PLCB2: variants seen among roughly 807,000 people sequenced by gnomAD.
The protein encoded by PLCB2 is phospholipase C beta 2, also known as 1-phosphatidylinositol 4,5-bisphosphate phosphodiesterase beta-2.
PLCB2 carries 115 observed loss-of-function variants against 141.7 expected under a neutral mutation model. The observed-to-expected ratio is 0.81, with a 90% confidence interval of 0.70 to 0.95. The LOEUF (loss-of-function observed/expected upper bound fraction) is 0.95, where lower values mean the gene tolerates loss of function less well. Ranked by LOEUF, PLCB2 falls within the 40% of genes least tolerant of loss-of-function variation. PLCB2 has a pLI of 0.00. For missense variants in PLCB2, 1,403 were observed against 1,541.1 expected, an observed-to-expected ratio of 0.91 and a Z score of 1.50; for synonymous variants, 603 against 595.6, an observed-to-expected ratio of 1.01 and a Z score of -0.18.
chr15:40,295,866 G>A (rs1037419087), intron 16 of PLCB2, among the ~76,000 whole-genome samples: 3 of 152,188 alleles, frequency 2.0e-5, no homozygotes, highest in African/African-American at 7.2e-5. Context: ...CTTGTGTCCA[G>A]AGAAGATACA....
chr15:40,305,029 G>C (rs2040722702), intron 1 of PLCB2, among the ~76,000 whole-genome samples: 1 of 152,168 alleles, frequency 6.6e-6, no homozygotes, highest in African/African-American at 2.4e-5. Flanking sequence ...AGGGAAAAGG[G>C]AAAATTTTTG....
intron 7 of PLCB2, chr15:40,301,084 CT>C: frequency 1.3e-5 from 2 of 159,308 alleles, no homozygotes; most frequent in East Asian, 1.9e-4. Context: ...ATTCCTACCT[CT>C]CCCCAACGCC....
At position 40,298,933 on chromosome 15, in the gene PLCB2, C is replaced by A; in HGVS notation, c.715G>T (p.Glu239Ter). 8 of 1,607,854 alleles carry A rather than the reference C, an allele frequency of 5.0e-6. No homozygotes were observed. Among genetic ancestry groups the A allele is most frequent in the Non-Finnish European group, 6.8e-6 (8 of 1,179,826 alleles). The change falls in exon 9 of 32, where the codon GAG (glutamate) becomes TAG (stop). Residue 239 changes from glutamate to a stop codon, truncating the protein, a stop_gained. Transcript: ENST00000260402. LOFTEE classifies it high-confidence loss of function. ...HAKAKPYMTK[E>*]HLTKFINQKQ... is the part of the protein sequence containing the mutation. ...TGGTTGATGAATTTGGTCAGGTGCTCCTTCGTCATGTAGGGTTTGGCCTTA... is the reference window on the plus strand; with the variant it reads ...TGGTTGATGAATTTGGTCAGGTGCTACTTCGTCATGTAGGGTTTGGCCTTA...
chr15:40,304,069 C>A lies in PLCB2; in HGVS notation c.94G>T (p.Val32Phe), dbSNP rs1406386570. The A allele has an allele frequency of 6.3e-7, 1 of 1,595,882 alleles. No individual in the cohort carries two copies. Among genetic ancestry groups the A allele is most frequent in the South Asian group, 1.1e-5 (1 of 87,838 alleles). ...RFIKWDDETTVASPVILRVDP... is the reference protein window; with the variant it reads ...RFIKWDDETTFASPVILRVDP... ...ACACGGAGGATAACTGGAGAGGCAACTGTAGTTTCCTGCAGAGAGAAGGAG... is the reference window on the plus strand; with the variant it reads ...ACACGGAGGATAACTGGAGAGGCAAATGTAGTTTCCTGCAGAGAGAAGGAG... Residue 32 changes from valine to phenylalanine, a missense_variant, in exon 2 of 32, where the codon GTT (valine) becomes TTT (phenylalanine). Physicochemically the swap from Val to Phe is conservative, Grantham distance 50 (BLOSUM62 -1). Transcript: ENST00000260402.
intron 24 of PLCB2, 94 bp downstream of exon 24, chr15:40,291,755 C>T (rs1183375892): frequency 5.0e-6 from 8 of 1,603,466 alleles, no homozygotes; most frequent in Non-Finnish European, 6.0e-6. Flanking sequence ...GCCCCCTGCC[C>T]CGCACTTTCC....
intron 1 of PLCB2, among the ~76,000 whole-genome samples, chr15:40,305,465 A>T (rs2040750772): frequency 6.6e-6 from 1 of 152,154 alleles, no homozygotes; most frequent in Non-Finnish European, 1.5e-5. Flanking sequence ...GAGGCAGAGC[A>T]GGGGGTGCTG....
chr15:40,302,622 G>C lies in PLCB2; in HGVS notation c.232-13C>G, dbSNP rs902466760. On this transcript the variant is annotated splice_polypyrimidine_tract_variant and intron_variant, in intron 3 of 31. Transcript: ENST00000260402. The stretch of plus-strand genomic sequence containing the variant: ...GGAGCTTCTGGCTCTGCAGCACGTG[G>C]TGGTATGGTTAGGATGGAGGTGTGC... 6.2e-7 allele frequency: 1 copy of C among 1,613,828 alleles called. No homozygotes were observed. The highest frequency in any genetic ancestry group is 1.3e-5 in the African/African-American group (1 of 74,946).
chr15:40,291,646 G>GGCT lies in PLCB2; in HGVS notation c.2604_2606dup (p.Ala869dup). 1.2e-6 allele frequency: 2 copies of GGCT among 1,613,136 alleles called. No homozygotes were observed. Among genetic ancestry groups the GGCT allele is most frequent in the Admixed American group, 3.3e-5 (2 of 59,994 alleles). On this transcript the variant is annotated inframe_insertion, in exon 25 of 32. Transcript: ENST00000260402. ...TAGCCTCTTCCCTGGCCCCGGCCCT[G>GGCT]GCTGCTGCAAGAGCCACGGGCTGGG...
intron 30 of PLCB2, 92 bp downstream of exon 30, chr15:40,289,927 AAGAGAG>A (rs58167971): frequency 0.092 from 49,257 of 537,184 alleles, 933 homozygotes; most frequent in East Asian, 0.17. Flanking sequence ...CCTACTTGTG[AAGAGAG>A]AGAGAGAGAG....
At position 40,299,247 on chromosome 15, in the gene PLCB2, T is replaced by C. The variant is rs1476473893; in HGVS notation, c.583-19A>G. 2 of 1,509,290 alleles carry C rather than the reference T, an allele frequency of 1.3e-6. No individual in the cohort carries two copies. Among genetic ancestry groups the C allele is most frequent in the South Asian group, 2.2e-5 (2 of 89,024 alleles). 93.5% of individuals were successfully genotyped at this position (1,509,290 alleles called of 1,614,324 possible). On this transcript the variant is annotated intron_variant, in intron 7 of 31. Coordinates refer to ENST00000260402, the MANE Select transcript of PLCB2 (RefSeq NM_004573.3). ...CGTCATTCTAGGGGCATAGTAACCT[T>C]ATTGCCCCTGCCCTCACCTTCTCAG...
chr15:40,288,637 T>A lies in PLCB2; in HGVS notation c.*78A>T, dbSNP rs1303626177. ...CACAGCCTCAGAAGGCTGGGGCTCC[T>A]TTTTCCTGGGGGAATAGAACCACAT... is the stretch of plus-strand genomic sequence containing the variant. On this transcript the variant is annotated 3_prime_UTR_variant, in exon 32 of 32. Coordinates refer to ENST00000260402, the MANE Select transcript of PLCB2 (RefSeq NM_004573.3). The A allele has an allele frequency of 1.4e-6, 2 of 1,439,850 alleles. No individual in the cohort carries two copies. The highest frequency in any genetic ancestry group is 2.9e-5 in the African/African-American group (2 of 69,992). The allele number at this position is 1,439,850 out of a possible 1,614,324, so 89.2% of individuals were successfully genotyped here. A position where few individuals can be genotyped will look rare whatever the true frequency, so the allele number is the denominator to read the frequency against.
intron 21 of PLCB2, 149 bp downstream of exon 21, chr15:40,292,777 G>A (rs1245684631): frequency 1.8e-6 from 1 of 568,224 alleles, no homozygotes; most frequent in Non-Finnish European, 3.2e-6. Flanking sequence ...GCCTCTCTTA[G>A]GTTCCTGGAG....
Position 40,290,012 on chromosome 15 carries a change from A to C in PLCB2, c.3267+13T>G, listed in dbSNP as rs201895921. ...GTGTGTGTGTGTTTAGGAAGGACACAGCCCTTACACACCTGCTTGATCACC... is the reference window on the plus strand; with the variant it reads ...GTGTGTGTGTGTTTAGGAAGGACACCGCCCTTACACACCTGCTTGATCACC... On this transcript the variant is annotated intron_variant, in intron 30 of 31. Transcript: ENST00000260402. 6.9e-5 allele frequency: 101 copies of C among 1,472,652 alleles called. 1 individual carries two copies. In the African/African-American group the frequency reaches 1.2e-3, roughly 18 times the overall value. 91.2% of individuals were successfully genotyped at this position (1,472,652 alleles called of 1,614,324 possible). A position where few individuals can be genotyped will look rare whatever the true frequency, so the allele number is the denominator to read the frequency against.
chr15:40,304,525 T>C (rs971681463), intron 1 of PLCB2, among the ~76,000 whole-genome samples: 1 of 152,092 alleles, frequency 6.6e-6, no homozygotes, highest in African/African-American at 2.4e-5. Flanking sequence ...CCCATAAAGA[T>C]ACCAAGCCTT....
chr15:40,290,605 C>T lies in PLCB2; in HGVS notation c.3181G>A (p.Val1061Ile). 3 of 1,614,058 alleles carry T rather than the reference C, an allele frequency of 1.9e-6. No homozygotes were observed. The highest frequency in any genetic ancestry group is 2.5e-6 in the Non-Finnish European group (3 of 1,179,952). Residue 1061 changes from valine (V) to isoleucine (I), a missense_variant, in exon 29 of 32, where the codon GTC becomes ATC. Val to Ile is a conservative substitution (Grantham distance 29, BLOSUM62 3). Transcript: ENST00000260402. ...TCCTGGGCCATCTTGTCTGTGGTGA[C>T]TTTGGTCATGCCCTGGATCCGCTCC... ...RLERIQGMTK[V>I]TTDKMAQERL...
In PLCB2 at chr15:40,291,384, C is replaced by A; in HGVS notation, c.2751G>T (p.Ala917=). The change falls in exon 26 of 32, where the codon GCG becomes GCT. Residue 917 remains alanine (A), a synonymous_variant. Coordinates refer to ENST00000260402, the MANE Select transcript of PLCB2 (RefSeq NM_004573.3). ...KELRELERRG[A]RRWEELLQRG... Reference sequence around the variant, plus strand: ...GCTGCAGCAGCTCCTCCCAGCGCCGCGCTCCGCGCCGCTCCAACTCTCGCA... The same window carrying A: ...GCTGCAGCAGCTCCTCCCAGCGCCGAGCTCCGCGCCGCTCCAACTCTCGCA... The A allele has an allele frequency of 6.5e-7, 1 of 1,532,132 alleles. No individual in the cohort carries two copies. Among genetic ancestry groups the A allele is most frequent in the Middle Eastern group, 1.8e-4 (1 of 5,618 alleles). 94.9% of individuals were successfully genotyped at this position (1,532,132 alleles called of 1,614,324 possible). A position where few individuals can be genotyped will look rare whatever the true frequency, so the allele number is the denominator to read the frequency against.
downstream of PLCB2, among the ~76,000 whole-genome samples, chr15:40,286,905 G>A (rs575594179): frequency 6.6e-6 from 1 of 152,344 alleles, no homozygotes; most frequent in South Asian, 2.1e-4. Context: ...TCCAGACTGG[G>A]AGCCCAGAGA....
downstream of PLCB2, among the ~76,000 whole-genome samples, chr15:40,286,961 TCTC>T (rs1056458260): frequency 1.3e-5 from 2 of 152,164 alleles, no homozygotes; most frequent in Non-Finnish European, 2.9e-5. Flanking sequence ...AGCTTTTCCT[TCTC>T]CTGTACAGTC....
At chr15:40,305,351 C>T (rs371562940) in intron 1 of PLCB2, among the ~76,000 whole-genome samples, 2 of 152,130 alleles carry the variant, frequency 1.3e-5, no homozygotes, top group African/African-American at 4.8e-5. Flanking sequence ...CCCTTTCCCC[C>T]CACCCCACAA....
Sources: gnomAD v4.1 joint callset for allele counts (sites outside exome capture counted in the v4.1 genomes callset) on GRCh38, gnomAD v4.1.1 for gene constraint, MANE v1.5 for transcripts, NCBI Gene and HGNC (gene_info 2026-07-23, HGNC 2026-07-21) for gene names.